LRRK2: variants seen among roughly 807,000 people sequenced by gnomAD.
The protein encoded by LRRK2 is leucine rich repeat kinase 2, also known as leucine-rich repeat serine/threonine-protein kinase 2.
LRRK2 carries 203 observed loss-of-function variants against 302.6 expected under a neutral mutation model. That is an observed-to-expected ratio of 0.67 (90% CI 0.60 to 0.75). LRRK2 has a LOEUF of 0.75. Among genes scored for constraint, LRRK2 ranks in the 30% least tolerant of loss-of-function variants. The probability of loss-of-function intolerance (pLI) is 0.00; values close to 1 mark genes in which losing one functional copy is unlikely to be tolerated. For missense variants in LRRK2, 2,830 were observed against 2,951.0 expected (o/e 0.96, Z 0.95); for synonymous variants, 1,066 against 1,031.9 (o/e 1.03, Z -0.63).
rs1367745888 is a variant in LRRK2, at chr12:40,354,585, C to A, written c.6770+93C>A. ...TGTTATTGCATCAGCAAAGATTGTTCATTTTTAGCCTATTTTCATTGGTTT... is the reference window on the plus strand; with the variant it reads ...TGTTATTGCATCAGCAAAGATTGTTAATTTTTAGCCTATTTTCATTGGTTT... On this transcript the variant is annotated intron_variant, in intron 45 of 50. Transcript: ENST00000298910. The A allele has an allele frequency of 2.4e-5, 28 of 1,150,392 alleles. No homozygotes were observed. The South Asian group carries it at 3.6e-4, about 15-fold the overall frequency. The allele number at this position is 1,150,392 out of a possible 1,614,324, so 71.3% of individuals were successfully genotyped here.
chr12:40,238,095 T>G lies in LRRK2; in HGVS notation c.563T>G (p.Phe188Cys). 1.2e-6 allele frequency: 2 copies of G among 1,613,430 alleles called. No homozygotes were observed. The highest frequency in any genetic ancestry group is 3.3e-4 in the Middle Eastern group (2 of 6,056). ...KLGCKALHVL[F>C]ERVSEEQLTE... is the part of the protein sequence containing the mutation. ...GGATGCAAAGCTTTACATGTGCTGTTTGAGAGAGGTATTTTAAAATGTCAA... is the reference window on the plus strand; with the variant it reads ...GGATGCAAAGCTTTACATGTGCTGTGTGAGAGAGGTATTTTAAAATGTCAA... Residue 188 changes from phenylalanine to cysteine, a missense_variant, in exon 5 of 51, where the codon TTT becomes TGT. Physicochemically the swap from Phe to Cys is radical, Grantham distance 205. Around this residue, in one of 3 missense-constraint regions of LRRK2, gnomAD observed 2,121 missense variants for 2,148.0 expected, o/e 0.99. Coordinates refer to ENST00000298910, the MANE Select transcript of LRRK2 (RefSeq NM_198578.4).
Position 40,259,610 on chromosome 12 carries a change from T to G in LRRK2, c.1543+6T>G. The G allele has an allele frequency of 6.2e-7, 1 of 1,612,928 alleles. No individual in the cohort carries two copies. Among genetic ancestry groups the G allele is most frequent in the Non-Finnish European group, 8.5e-7 (1 of 1,179,126 alleles). ...TTTACATTTTATAGTGCCTGGTAAG[T>G]TACATAGTTGATTGTGGGAAGAGAT... On this transcript the variant is annotated splice_donor_region_variant and intron_variant, in intron 13 of 50. Coordinates refer to ENST00000298910, the MANE Select transcript of LRRK2 (RefSeq NM_198578.4).
chr12:40,320,699 T>G (rs10735931), intron 34 of LRRK2, among the ~76,000 whole-genome samples: 86,065 of 151,828 alleles, frequency 0.57, 24,534 homozygotes, highest in South Asian at 0.7. Flanking sequence ...GCAGCCAATT[T>G]TAAAAATAAA....
chr12:40,348,910 G>A (rs1171408753), intron 43 of LRRK2, among the ~76,000 whole-genome samples: 2 of 151,834 alleles, frequency 1.3e-5, no homozygotes, highest in Admixed American at 1.3e-4. Context: ...GTTAATGAAT[G>A]GAATTTCTTA....
At chr12:40,359,141 A>C in intron 46 of LRRK2, 119 bp from the exon 47 acceptor site, 2 of 864,554 alleles carry the variant, frequency 2.3e-6, no homozygotes, top group Non-Finnish European at 3.5e-6. Context: ...TTGAGTTTTA[A>C]TTTTAATATC....
At chr12:40,358,251 T>G (rs1422898065) in intron 46 of LRRK2, among the ~76,000 whole-genome samples, 1 of 152,176 alleles carries the variant, frequency 6.6e-6, no homozygotes, top group Non-Finnish European at 1.5e-5. Context: ...CCCATTTGTC[T>G]AATTTTGTTT....
chr12:40,299,079 T>C, intron 24 of LRRK2, 30 bp from the exon 25 acceptor site: 2 of 1,609,136 alleles, frequency 1.2e-6, no homozygotes, highest in Non-Finnish European at 1.7e-6. Context: ...ATTTATGCAA[T>C]TTAATCATTA....
chr12:40,309,124 G>A lies in LRRK2; in HGVS notation c.4208G>A (p.Ser1403Asn), dbSNP rs761083558. The A allele has an allele frequency of 6.2e-7, 1 of 1,613,656 alleles. No individual in the cohort carries two copies. The highest frequency in any genetic ancestry group is 8.5e-7 in the Non-Finnish European group (1 of 1,179,834). ...TATTTAGGTCGTGAGGAATTCTATA[G>A]TACTCATCCCCATTTTATGACGCAG... ...WDFAGREEFY[S>N]THPHFMTQRA... Residue 1403 changes from serine (S) to asparagine (N), a missense_variant, in exon 30 of 51, where the codon AGT becomes AAT. Physicochemically the swap from Ser to Asn is conservative, Grantham distance 46. Transcript: ENST00000298910.
chr12:40,281,525 CTTAA>C (rs1316057990), intron 18 of LRRK2, among the ~76,000 whole-genome samples: 1 of 152,120 alleles, frequency 6.6e-6, no homozygotes, highest in African/African-American at 2.4e-5. Flanking sequence ...TAGTTATATT[CTTAA>C]TTTTCTTCAT....
chr12:40,306,968 A>G (rs1944846721), intron 28 of LRRK2, among the ~76,000 whole-genome samples: 1 of 152,016 alleles, frequency 6.6e-6, no homozygotes, highest in African/African-American at 2.4e-5. Context: ...TCATATAAAA[A>G]TTGGTTCAGT....
intron 20 of LRRK2, among the ~76,000 whole-genome samples, chr12:40,290,002 T>C (rs1445928236): frequency 6.6e-5 from 10 of 152,016 alleles, no homozygotes; most frequent in Admixed American, 6.6e-4. Flanking sequence ...CATCATTCCC[T>C]GGTTTCCAAA....
At chr12:40,299,001 A>G in intron 24 of LRRK2, 108 bp from the exon 25 acceptor site, 2 of 1,025,170 alleles carry the variant, frequency 2.0e-6, no homozygotes, top group Admixed American at 2.6e-5. Flanking sequence ...TTTTAAATTA[A>G]TGAGTCCTCT....
At chr12:40,276,744 GGCTACTTT>G (rs1943472124) in intron 16 of LRRK2, among the ~76,000 whole-genome samples, 1 of 152,114 alleles carries the variant, frequency 6.6e-6, no homozygotes, top group Non-Finnish European at 1.5e-5. Context: ...CATAAATTAA[GGCTACTTT>G]GCTTATCAAA....
intron 21 of LRRK2, 58 bp from the exon 22 acceptor site, chr12:40,294,787 A>G (rs1461197711): frequency 3.0e-6 from 3 of 1,001,110 alleles, no homozygotes; most frequent in Non-Finnish European, 4.6e-6. Context: ...CTTCCTTATA[A>G]AAATGTCCTC....
Position 40,305,928 on chromosome 12 carries a change from T to A in LRRK2, c.3921T>A (p.Asp1307Glu). ...TGGATGAACTGCATCTTAACTTTGA[T>A]TTTAAACATATAGGATGTAAAGCCA... is the stretch of plus-strand genomic sequence containing the variant. ...LPLDELHLNF[D>E]FKHIGCKAKD... The change falls in exon 28 of 51, where the codon GAT becomes GAA. Residue 1307 changes from aspartate (D) to glutamate (E), a missense_variant. By Grantham distance (45) the Asp-to-Glu change is conservative. This residue lies in a region of LRRK2 where 2,121 missense variants were observed against 2,148.0 expected (regional missense o/e 0.99). Transcript: ENST00000298910. 6.2e-7 allele frequency: 1 copy of A among 1,612,478 alleles called. No homozygotes were observed. Among genetic ancestry groups the A allele is most frequent in the Non-Finnish European group, 8.5e-7 (1 of 1,178,982 alleles).
Position 40,229,955 on chromosome 12 carries a change from C to CTTTTTTTTTTTTTTTTTT in LRRK2, c.238-2308_238-2291dup, listed in dbSNP as rs71078229. Among the ~76,000 whole-genome samples the CTTTTTTTTTTTTTTTTTT allele has an allele frequency of 4.3e-5, 4 of 92,926 alleles. 2 individuals are homozygous for CTTTTTTTTTTTTTTTTTT. Among genetic ancestry groups the CTTTTTTTTTTTTTTTTTT allele is most frequent in the Non-Finnish European group, 8.4e-5 (4 of 47,742 alleles). 61.0% of individuals were successfully genotyped at this position (92,926 alleles called of 152,430 possible). A position where few individuals can be genotyped will look rare whatever the true frequency, so the allele number is the denominator to read the frequency against. On this transcript the variant is annotated intron_variant, in intron 2 of 50. Transcript: ENST00000298910. ...GAGATGAGTTTGGCATCCTATGTGA[C>CTTTTTTTTTTTTTTTTTT]TTTTTTTTTTTTTTTTTTTTTTTTT... is the stretch of plus-strand genomic sequence containing the variant.
Position 40,367,023 on chromosome 12 carries a change from A to T in LRRK2, c.7408A>T (p.Met2470Leu). 5 of 1,609,490 alleles carry T rather than the reference A, an allele frequency of 3.1e-6. No homozygotes were observed. The highest frequency in any genetic ancestry group is 4.2e-6 in the Non-Finnish European group (5 of 1,176,842). Reference sequence around the variant, plus strand: ...TTGTAAAGGAAGCCTTAAAAATGTCATGCTGGTATTGGGCTACAACCGGAA... The same window carrying T: ...TTGTAAAGGAAGCCTTAAAAATGTCTTGCTGGTATTGGGCTACAACCGGAA... ...TAQLGSLKNV[M>L]LVLGYNRKNT... The change falls in exon 50 of 51, where the codon ATG becomes TTG. Residue 2470 changes from methionine (M) to leucine (L), a missense_variant. Transcript: ENST00000298910.
Position 40,348,486 on chromosome 12 carries a change from C to T in LRRK2, c.6358C>T (p.Gln2120Ter). 6.2e-7 allele frequency: 1 copy of T among 1,611,858 alleles called. No homozygotes were observed. Among genetic ancestry groups the T allele is most frequent in the Non-Finnish European group, 8.5e-7 (1 of 1,178,250 alleles). Residue 2120 changes from glutamine to a stop codon, truncating the protein, a stop_gained, in exon 43 of 51, where the codon CAA becomes TAA. Coordinates refer to ENST00000298910, the MANE Select transcript of LRRK2 (RefSeq NM_198578.4). LOFTEE classifies it high-confidence loss of function. ...LIKQCLKENP[Q>*]ERPTSAQVFD... ...TAAACAGTGTTTGAAAGAAAATCCT[C>T]AAGAAAGGCCTACTTCTGCCCAGGT...
intron 44 of LRRK2, 106 bp downstream of exon 44, chr12:40,351,839 T>C: frequency 8.7e-7 from 1 of 1,154,406 alleles, no homozygotes; most frequent in South Asian, 1.4e-5. Context: ...TATTATTCAA[T>C]TAGCCTTCTG....
Sources: allele counts gnomAD v4.1 joint callset (sites outside exome capture counted in the v4.1 genomes callset), GRCh38; gene constraint gnomAD v4.1.1; regional missense constraint gnomAD v4.1.1; transcripts MANE v1.5; gene names NCBI Gene and HGNC (gene_info 2026-07-23, HGNC 2026-07-21).